The following ATP13A4 variants were observed in gnomAD, a reference collection of about 807,000 sequenced individuals.
ATP13A4 encodes the protein probable cation-transporting ATPase 13A4.
A neutral mutation model predicts 142.5 loss-of-function variants in ATP13A4; 114 were observed. That is an observed-to-expected ratio of 0.80 (90% CI 0.69 to 0.93). The LOEUF (loss-of-function observed/expected upper bound fraction) is 0.93. Ranked by LOEUF, ATP13A4 falls within the 40% of genes least tolerant of loss-of-function variation. The pLI is 0.00. For synonymous variants in ATP13A4, 488 were observed against 514.8 expected, an observed-to-expected ratio of 0.95 and a Z score of 0.70; for missense variants, 1,392 against 1,454.0, an observed-to-expected ratio of 0.96 and a Z score of 0.69.
intron 25 of ATP13A4, 113 bp from the exon 26 acceptor site, chr3:193,414,863 T>C (rs1354543170): frequency 2.0e-6 from 2 of 1,000,058 alleles, no homozygotes; most frequent in Admixed American, 2.0e-5. Flanking sequence ...CAAACTGGAG[T>C]ACATCACAAA....
At chr3:193,471,879 T>G (rs919608285) in intron 8 of ATP13A4, among the ~76,000 whole-genome samples, 1 of 151,892 alleles carries the variant, frequency 6.6e-6, no homozygotes, top group Admixed American at 6.6e-5. Context: ...GGGGGCTGGG[T>G]GGGGTGGCAG....
intron 8 of ATP13A4, among the ~76,000 whole-genome samples, chr3:193,476,620 T>C (rs539727953): frequency 5.9e-5 from 9 of 152,238 alleles, no homozygotes; most frequent in Admixed American, 5.9e-4. Context: ...GCTTTCAACA[T>C]GTCTTCCTCA....
At chr3:193,405,838 A>G (rs754221282) in intron 29 of ATP13A4, among the ~76,000 whole-genome samples, 12 of 152,172 alleles carry the variant, frequency 7.9e-5, no homozygotes, top group Non-Finnish European at 1.3e-4. Flanking sequence ...GCACTTTAAT[A>G]TGCGGAAATG....
intron 25 of ATP13A4, among the ~76,000 whole-genome samples, chr3:193,426,771 G>A (rs1715688547): frequency 6.6e-6 from 1 of 151,706 alleles, no homozygotes; most frequent in Admixed American, 6.6e-5. Flanking sequence ...CAACAAGCTG[G>A]GACAACCAGA....
chr3:193,531,064 A>G (rs953213144), intron 1 of ATP13A4, among the ~76,000 whole-genome samples: 3 of 151,972 alleles, frequency 2.0e-5, no homozygotes, highest in Non-Finnish European at 4.4e-5. Flanking sequence ...CTATTCATCC[A>G]TCAAGATTCC....
chr3:193,493,289 C>A (rs1720045106), intron 3 of ATP13A4, 129 bp from the exon 4 acceptor site: 1 of 801,606 alleles, frequency 1.2e-6, no homozygotes, highest in African/African-American at 1.7e-5. Context: ...AAGATTTTAT[C>A]CTTTTCTAAT....
intron 2 of ATP13A4, among the ~76,000 whole-genome samples, chr3:193,575,179 A>C (rs1724365585): frequency 6.6e-6 from 1 of 152,228 alleles, no homozygotes; most frequent in African/African-American, 2.4e-5. Flanking sequence ...TTGGGTTGTT[A>C]GTCATGCAGC....
At chr3:193,476,133 T>G (rs1389076097) in intron 8 of ATP13A4, among the ~76,000 whole-genome samples, 2 of 152,078 alleles carry the variant, frequency 1.3e-5, no homozygotes, top group Non-Finnish European at 2.9e-5. Flanking sequence ...ATAATGCATT[T>G]TATCTTAAAA....
At position 193,491,371 on chromosome 3, in the gene ATP13A4, G is replaced by T. The variant is rs749661206; in HGVS notation, c.561C>A (p.Ile187=). The T allele has an allele frequency of 5.0e-6, 8 of 1,599,648 alleles. No homozygotes were observed. Among genetic ancestry groups the T allele is most frequent in the Non-Finnish European group, 6.0e-6 (7 of 1,167,406 alleles). The change falls in exon 6 of 30, where the codon ATC becomes ATA. Residue 187 remains isoleucine, a synonymous_variant. Coordinates refer to ENST00000342695, the MANE Select transcript of ATP13A4 (RefSeq NM_032279.4). The stretch of plus-strand genomic sequence containing the variant: ...TCCAAATTGGTGTAACTTCAACATC[G>T]ATAGTATTAGGCCCACATATTAACC... The part of the protein sequence containing the change: ...IRRLICGPNT[I]DVEVTPIWKL...
At chr3:193,412,415 G>A (rs370119573) in intron 26 of ATP13A4, 44 bp from the exon 27 acceptor site, 137 of 1,543,644 alleles carry the variant, frequency 8.9e-5, no homozygotes, top group Non-Finnish European at 1.2e-4. Flanking sequence ...AGATTGCAAG[G>A]CTTTATGGAG....
At chr3:193,443,652 C>T (rs1716782829) in intron 18 of ATP13A4, among the ~76,000 whole-genome samples, 1 of 152,134 alleles carries the variant, frequency 6.6e-6, no homozygotes, top group South Asian at 2.1e-4. Context: ...CAACAGTTGC[C>T]AATCCATAGA....
At chr3:193,582,510 A>T in intron 1 of ATP13A4, among the ~76,000 whole-genome samples, 1 of 141,890 alleles carries the variant, frequency 7.0e-6, no homozygotes, top group Non-Finnish European at 1.5e-5. Flanking sequence ...ATAAGTATAC[A>T]TTAATAATAT....
At chr3:193,440,524 C>G (rs544871760) in intron 21 of ATP13A4, 34 bp downstream of exon 21, 3 of 1,613,068 alleles carry the variant, frequency 1.9e-6, no homozygotes, top group Admixed American at 3.3e-5. Context: ...TGCCTCCATG[C>G]AGTTCATGCC....
chr3:193,441,392 T>C (rs1334725958), intron 20 of ATP13A4, 74 bp downstream of exon 20: 1 of 1,567,598 alleles, frequency 6.4e-7, no homozygotes, highest in Non-Finnish European at 8.8e-7. Flanking sequence ...AGATTTGAAA[T>C]AATTTAGGAC....
chr3:193,548,759 T>A (rs939574145), intron 1 of ATP13A4, among the ~76,000 whole-genome samples: 8 of 152,304 alleles, frequency 5.3e-5, no homozygotes, highest in African/African-American at 1.9e-4. Context: ...GCTGAAGGCA[T>A]GACAGGACTT....
At chr3:193,462,504 A>T (rs1718012083) in intron 13 of ATP13A4, among the ~76,000 whole-genome samples, 1 of 152,202 alleles carries the variant, frequency 6.6e-6, no homozygotes, top group African/African-American at 2.4e-5. Flanking sequence ...TATTTTAGCA[A>T]GGATTTGAAT....
At chr3:193,453,980 T>C in intron 17 of ATP13A4, 121 bp downstream of exon 17, 1 of 799,544 alleles carries the variant, frequency 1.3e-6, no homozygotes, top group South Asian at 1.4e-5. Flanking sequence ...TTCAGCAAGC[T>C]ACATTGCTCT....
chr3:193,457,852 C>T (rs1464642074), intron 14 of ATP13A4, among the ~76,000 whole-genome samples: 1 of 152,198 alleles, frequency 6.6e-6, no homozygotes, highest in African/African-American at 2.4e-5. Flanking sequence ...CCTGCCCTTG[C>T]ATGTGTGTCT....
At position 193,493,295 on chromosome 3, in the gene ATP13A4, C is replaced by T; in HGVS notation, c.382-135G>A. The T allele has an allele frequency of 5.3e-6, 4 of 759,260 alleles. No homozygotes were observed. In the South Asian group the frequency reaches 6.9e-5, roughly 13 times the overall value. 47.0% of individuals were successfully genotyped at this position (759,260 alleles called of 1,614,324 possible). A position where few individuals can be genotyped will look rare whatever the true frequency, so the allele number is the denominator to read the frequency against. On this transcript the variant is annotated intron_variant, in intron 3 of 29. Transcript: ENST00000342695. ...TACTTATTTAAGATTTTATCCTTTT[C>T]TAATTTACCCTTTGCTTTTCTACCA...
Sources: allele counts gnomAD v4.1 joint callset (sites outside exome capture counted in the v4.1 genomes callset), GRCh38; gene constraint gnomAD v4.1.1; transcripts MANE v1.5; gene names NCBI Gene and HGNC (gene_info 2026-07-23, HGNC 2026-07-21).